PARD3B: variants seen among roughly 807,000 people sequenced by gnomAD.
PARD3B encodes par-3 family cell polarity regulator beta.
Under a neutral mutation model 130.2 loss-of-function variants are expected in PARD3B, and 103 were observed. That is an observed-to-expected ratio of 0.79 (90% CI 0.67 to 0.93). PARD3B has a LOEUF of 0.93. Ranked by LOEUF, PARD3B falls within the 40% of genes least tolerant of loss-of-function variation. The pLI, the probability that PARD3B is intolerant of heterozygous loss-of-function variation, is 0.00. For synonymous variants in PARD3B, 583 were observed against 553.2 expected (o/e 1.05, Z -0.76); for missense variants, 1,609 against 1,499.2 (o/e 1.07, Z -1.21).
intron 15 of PARD3B, among the ~76,000 whole-genome samples, chr2:205,242,381 A>C (rs1205171066): frequency 7.9e-5 from 12 of 152,250 alleles, no homozygotes; most frequent in Non-Finnish European, 1.5e-4. Context: ...GCAAGTACTT[A>C]AATCAGCTTA....
At chr2:204,749,074 C>T (rs1028041057) in intron 2 of PARD3B, among the ~76,000 whole-genome samples, 2 of 151,902 alleles carry the variant, frequency 1.3e-5, no homozygotes, top group African/African-American at 4.8e-5. Flanking sequence ...TAAAGTTTTG[C>T]AGGGAATTTT....
intron 22 of PARD3B, among the ~76,000 whole-genome samples, chr2:205,587,956 G>T (rs1282095497): frequency 6.6e-6 from 1 of 152,206 alleles, no homozygotes; most frequent in Non-Finnish European, 1.5e-5. Flanking sequence ...GGCAGGGAAG[G>T]CCTTAAGGGC....
chr2:205,491,643 A>C (rs927316368), intron 20 of PARD3B, among the ~76,000 whole-genome samples: 1 of 152,006 alleles, frequency 6.6e-6, no homozygotes, highest in Non-Finnish European at 1.5e-5. Flanking sequence ...CTATGGCTTG[A>C]TTCATTGGGT....
intron 18 of PARD3B, among the ~76,000 whole-genome samples, chr2:205,348,900 G>A (rs1251503980): frequency 1.3e-5 from 2 of 152,174 alleles, no homozygotes; most frequent in Non-Finnish European, 2.9e-5. Context: ...CTTAGATGGT[G>A]CTACAAGGTG....
At chr2:205,536,807 T>A (rs1046291550) in intron 21 of PARD3B, among the ~76,000 whole-genome samples, 19 of 152,148 alleles carry the variant, frequency 1.2e-4, no homozygotes, top group African/African-American at 4.6e-4. Flanking sequence ...ATCTGAAACA[T>A]CTCAGGTCAG....
At chr2:205,450,251 G>T (rs944567209) in intron 20 of PARD3B, among the ~76,000 whole-genome samples, 2 of 152,034 alleles carry the variant, frequency 1.3e-5, no homozygotes. Context: ...ATTGAGGAAG[G>T]TTATTGATTG....
chr2:205,175,160 G>C (rs969599986), intron 12 of PARD3B, among the ~76,000 whole-genome samples: 28 of 152,080 alleles, frequency 1.8e-4, no homozygotes, highest in African/African-American at 5.8e-4. Flanking sequence ...TCAGTTGTTG[G>C]GATATCGATT....
chr2:204,895,846 A>T (rs553979404), intron 2 of PARD3B, among the ~76,000 whole-genome samples: 10 of 152,320 alleles, frequency 6.6e-5, no homozygotes, highest in African/African-American at 2.4e-4. Flanking sequence ...TACTTAAAAG[A>T]AATAGTTTTT....
intron 18 of PARD3B, among the ~76,000 whole-genome samples, chr2:205,392,742 A>T (rs1311957549): frequency 6.6e-6 from 1 of 152,156 alleles, no homozygotes; most frequent in Non-Finnish European, 1.5e-5. Flanking sequence ...AGAGTTTAAA[A>T]CACAGCCCTA....
intron 21 of PARD3B, among the ~76,000 whole-genome samples, chr2:205,548,486 A>G (rs2052473359): frequency 6.6e-6 from 1 of 152,022 alleles, no homozygotes; most frequent in Non-Finnish European, 1.5e-5. Context: ...ATTATTCTAA[A>G]TACCTCACTC....
At chr2:205,486,240 T>C (rs1036112402) in intron 20 of PARD3B, among the ~76,000 whole-genome samples, 1 of 152,166 alleles carries the variant, frequency 6.6e-6, no homozygotes, top group Non-Finnish European at 1.5e-5. Context: ...GAGCATGTTT[T>C]AAAAACAACT....
intron 15 of PARD3B, among the ~76,000 whole-genome samples, chr2:205,208,708 T>G (rs1170679589): frequency 0.03 from 3,637 of 121,724 alleles, 43 homozygotes; most frequent in African/African-American, 0.049. Flanking sequence ...CACTGCTCAA[T>G]GAAATAAAAG....
intron 20 of PARD3B, among the ~76,000 whole-genome samples, chr2:205,485,829 T>A (rs2049418275): frequency 6.6e-6 from 1 of 152,204 alleles, no homozygotes; most frequent in African/African-American, 2.4e-5. Context: ...ACCCTCTCTT[T>A]ATCCTTGTCT....
intron 2 of PARD3B, among the ~76,000 whole-genome samples, chr2:204,947,722 T>A (rs1227194146): frequency 6.6e-6 from 1 of 152,208 alleles, no homozygotes; most frequent in Non-Finnish European, 1.5e-5. Context: ...CCATGCATTT[T>A]ACCTGCAAGA....
At chr2:205,469,191 A>G (rs2048739332) in intron 20 of PARD3B, among the ~76,000 whole-genome samples, 1 of 152,126 alleles carries the variant, frequency 6.6e-6, no homozygotes, top group South Asian at 2.1e-4. Context: ...GTAGTCAATA[A>G]ATATGTATCG....
chr2:205,058,219 A>G (rs1025533930), intron 4 of PARD3B, among the ~76,000 whole-genome samples: 3 of 152,072 alleles, frequency 2.0e-5, no homozygotes, highest in Middle Eastern at 3.4e-3. Flanking sequence ...TTTACTGAGC[A>G]TAATATTCTT....
chr2:204,677,020 CGTCT>C lies in PARD3B; in HGVS notation c.121-9160_121-9157del, dbSNP rs1418916741. Reference sequence around the variant, plus strand: ...TTACGCTGAGTTTCTACCTCTCTATCGTCTATGTATCATTTCTAGAACAGCACAG... The same window carrying C: ...TTACGCTGAGTTTCTACCTCTCTATCATGTATCATTTCTAGAACAGCACAG... On this transcript the variant is annotated intron_variant, in intron 1 of 22. Coordinates refer to ENST00000406610, the MANE Select transcript of PARD3B (RefSeq NM_001302769.2). The surrounding 1 kb of genome is among the most constrained non-coding windows in gnomAD (Gnocchi z 4.1). Among the ~76,000 whole-genome samples the C allele has an allele frequency of 6.6e-6, 1 of 152,030 alleles. No individual in the cohort carries two copies. Among genetic ancestry groups the C allele is most frequent in the African/African-American group, 2.4e-5 (1 of 41,370 alleles).
intron 15 of PARD3B, among the ~76,000 whole-genome samples, chr2:205,198,892 C>T (rs929628373): frequency 6.6e-6 from 1 of 151,626 alleles, no homozygotes; most frequent in African/African-American, 2.4e-5. Context: ...CCATGGATTT[C>T]TTTTATTGTC....
intron 18 of PARD3B, among the ~76,000 whole-genome samples, chr2:205,390,257 T>C (rs2045807924): frequency 1.3e-5 from 2 of 151,630 alleles, no homozygotes; most frequent in African/African-American, 4.8e-5. Context: ...GTTCTCATTG[T>C]CTTTCCAGGC....
Sources: allele counts gnomAD v4.1 joint callset (sites outside exome capture counted in the v4.1 genomes callset), GRCh38; gene constraint gnomAD v4.1.1; non-coding constraint Gnocchi (gnomAD v3.1); transcripts MANE v1.5; gene names NCBI Gene and HGNC (gene_info 2026-07-23, HGNC 2026-07-21).